The following UNC5D variants were observed in gnomAD, a reference collection of about 807,000 sequenced individuals.
UNC5D encodes netrin receptor UNC5D.
A neutral mutation model predicts 105.4 loss-of-function variants in UNC5D; 39 were observed. That is an observed-to-expected ratio of 0.37 (90% CI 0.29 to 0.48). The LOEUF (loss-of-function observed/expected upper bound fraction) is 0.48, where lower values mean the gene tolerates loss of function less well. Ranked by LOEUF, UNC5D falls within the 20% of genes least tolerant of loss-of-function variation. The probability of loss-of-function intolerance (pLI) is 0.98; values close to 1 mark genes in which losing one functional copy is unlikely to be tolerated. For synonymous variants in UNC5D, 452 were observed against 450.4 expected, an observed-to-expected ratio of 1.00 and a Z score of -0.04; for missense variants, 991 against 1,202.4, an observed-to-expected ratio of 0.82 and a Z score of 2.60.
intron 11 of UNC5D, among the ~76,000 whole-genome samples, chr8:35,745,054 C>CA (rs34156742): frequency 0.056 from 7,561 of 136,120 alleles, 264 homozygotes; most frequent in East Asian, 0.17. Flanking sequence ...AACTCTGTCT[C>CA]AAAAAAAAAA....
chr8:35,575,895 T>C (rs1333445608), intron 3 of UNC5D, among the ~76,000 whole-genome samples: 1 of 151,392 alleles, frequency 6.6e-6, no homozygotes, highest in Non-Finnish European at 1.5e-5. Context: ...AAAAAATGAG[T>C]GTTGAAATAC....
At chr8:35,422,073 A>G (rs1805943359) in intron 1 of UNC5D, among the ~76,000 whole-genome samples, 1 of 152,222 alleles carries the variant, frequency 6.6e-6, no homozygotes, top group African/African-American at 2.4e-5. Flanking sequence ...GTGGTAAACC[A>G]TGAACGGTAT....
chr8:35,449,764 T>G (rs2128990132), intron 1 of UNC5D, among the ~76,000 whole-genome samples: 1 of 152,232 alleles, frequency 6.6e-6, no homozygotes, highest in Non-Finnish European at 1.5e-5. Context: ...GACCTACTGT[T>G]TGCACATGGT....
At chr8:35,582,857 G>A (rs768824128) in intron 3 of UNC5D, among the ~76,000 whole-genome samples, 1 of 152,110 alleles carries the variant, frequency 6.6e-6, no homozygotes, top group Non-Finnish European at 1.5e-5. Flanking sequence ...CTAATTTCCT[G>A]TAGAAGACTC....
Position 35,593,687 on chromosome 8 carries a change from G to A in UNC5D, c.467-1867G>A, listed in dbSNP as rs1349387396. ...TGAGGTGGGAGGATAGCTTGAGCCTGGAAAGGTCAAGGTTACGGTGAGCTA... is the reference window on the plus strand; with the variant it reads ...TGAGGTGGGAGGATAGCTTGAGCCTAGAAAGGTCAAGGTTACGGTGAGCTA... On this transcript the variant is annotated intron_variant, in intron 3 of 16. Transcript: ENST00000404895. Among the ~76,000 whole-genome samples the A allele has an allele frequency of 3.9e-5, 6 of 152,208 alleles. No individual in the cohort carries two copies. The East Asian group carries it at 1.2e-3, about 29-fold the overall frequency.
intron 2 of UNC5D, among the ~76,000 whole-genome samples, chr8:35,557,642 T>C (rs965229945): frequency 1.3e-5 from 2 of 152,146 alleles, no homozygotes; most frequent in African/African-American, 2.4e-5. Flanking sequence ...AAACTTCAAA[T>C]GCGTGTGAGA....
Position 35,235,520 on chromosome 8 carries a change from G to C in UNC5D, c.-265G>C. The C allele has an allele frequency of 6.1e-6, 2 of 330,482 alleles. No individual in the cohort carries two copies. Among genetic ancestry groups the C allele is most frequent in the Non-Finnish European group, 5.5e-6 (1 of 182,978 alleles). The allele number at this position is 330,482 out of a possible 1,614,324, so 20.5% of individuals were successfully genotyped here. ...GCGGCGCGAGGGCTGGGAACTGCGC[G>C]GCGGGGACTGCGGGCGACTCCGGCA... On this transcript the variant is annotated 5_prime_UTR_variant, in exon 1 of 17. Transcript: ENST00000404895.
At chr8:35,391,228 A>G (rs1399591128) in intron 1 of UNC5D, among the ~76,000 whole-genome samples, 3 of 152,218 alleles carry the variant, frequency 2.0e-5, no homozygotes, top group Admixed American at 2.0e-4. Context: ...AGTGCGGAAG[A>G]AGCCACCTCG....
intron 1 of UNC5D, among the ~76,000 whole-genome samples, chr8:35,327,441 T>G (rs914664953): frequency 6.6e-6 from 1 of 152,148 alleles, no homozygotes; most frequent in Non-Finnish European, 1.5e-5. Context: ...ATTTCAAGGT[T>G]TAAGAGAATT....
intron 1 of UNC5D, among the ~76,000 whole-genome samples, chr8:35,496,906 A>G (rs1023665444): frequency 3.3e-5 from 5 of 152,154 alleles, no homozygotes; most frequent in African/African-American, 1.2e-4. Flanking sequence ...TTCATGCAGC[A>G]TAATGTTTGA....
intron 16 of UNC5D, among the ~76,000 whole-genome samples, chr8:35,788,689 A>AACACAC (rs112188484): frequency 0.012 from 1,803 of 151,284 alleles, 35 homozygotes; most frequent in African/African-American, 0.042. Flanking sequence ...GAAGGCAGAA[A>AACACAC]ACACACACAC....
intron 12 of UNC5D, among the ~76,000 whole-genome samples, chr8:35,749,989 T>TA (rs11380512): frequency 0.86 from 117,903 of 137,288 alleles, 52,492 homozygotes; most frequent in Non-Finnish European, 0.98. Flanking sequence ...GAAATAGTTG[T>TA]AAAAAAAAAA....
intron 1 of UNC5D, among the ~76,000 whole-genome samples, chr8:35,260,517 C>A (rs925081490): frequency 6.6e-6 from 1 of 152,162 alleles, no homozygotes; most frequent in South Asian, 2.1e-4. Context: ...ATCACCCAGG[C>A]TGGAGTGCAG....
At chr8:35,345,083 T>C (rs979177628) in intron 1 of UNC5D, among the ~76,000 whole-genome samples, 1 of 152,084 alleles carries the variant, frequency 6.6e-6, no homozygotes, top group Non-Finnish European at 1.5e-5. Context: ...TGGCAAAGTT[T>C]GATCTATATA....
At chr8:35,334,998 A>G (rs1211825758) in intron 1 of UNC5D, among the ~76,000 whole-genome samples, 2 of 152,106 alleles carry the variant, frequency 1.3e-5, no homozygotes, top group Non-Finnish European at 1.5e-5. Flanking sequence ...GTATTGCTAT[A>G]GATTAGTTTG....
At chr8:35,403,620 G>C (rs897873053) in intron 1 of UNC5D, among the ~76,000 whole-genome samples, 1 of 152,158 alleles carries the variant, frequency 6.6e-6, no homozygotes, top group African/African-American at 2.4e-5. Flanking sequence ...AAATACTCCA[G>C]TGACCATTTT....
intron 7 of UNC5D, among the ~76,000 whole-genome samples, chr8:35,697,984 C>G (rs940480947): frequency 6.6e-6 from 1 of 152,084 alleles, no homozygotes; most frequent in African/African-American, 2.4e-5. Flanking sequence ...TCTTCCCTCT[C>G]CAAACCTCCC....
chr8:35,789,449 A>T (rs966417147), intron 16 of UNC5D, among the ~76,000 whole-genome samples: 4 of 151,926 alleles, frequency 2.6e-5, no homozygotes, highest in Non-Finnish European at 4.4e-5. Context: ...AAAGAAAAAA[A>T]ATATAAAAGG....
rs778440826 is a variant in UNC5D, at chr8:35,549,359, A to G, written c.171A>G (p.Ile57Met). The G allele has an allele frequency of 1.9e-6, 3 of 1,613,474 alleles. No individual in the cohort carries two copies. The highest frequency in any genetic ancestry group is 1.7e-6 in the Non-Finnish European group (2 of 1,180,036). ...CTCCTGGGACACTGCCTCATTTCAT[A>G]GAGGAGCCAGATGATGCTTATATTA... ...PSAPGTLPHF[I>M]EEPDDAYIIK... The change falls in exon 2 of 17, where the codon ATA becomes ATG. Residue 57 changes from isoleucine to methionine, a missense_variant. Physicochemically the swap from Ile to Met is conservative, Grantham distance 10. Coordinates refer to ENST00000404895, the MANE Select transcript of UNC5D (RefSeq NM_080872.4).
Sources: allele counts gnomAD v4.1 joint callset (sites outside exome capture counted in the v4.1 genomes callset), GRCh38; gene constraint gnomAD v4.1.1; transcripts MANE v1.5; gene names NCBI Gene and HGNC (gene_info 2026-07-23, HGNC 2026-07-21).